The following LPCAT3 variants were observed in gnomAD, a reference collection of about 807,000 sequenced individuals.
LPCAT3 encodes the protein lysophospholipid acyltransferase 5.
A neutral mutation model predicts 63.4 loss-of-function variants in LPCAT3; 21 were observed. That is an observed-to-expected ratio of 0.33 (90% CI 0.23 to 0.48). The LOEUF is 0.48. Among genes scored for constraint, LPCAT3 ranks in the 20% least tolerant of loss-of-function variants. The probability of loss-of-function intolerance (pLI) is 0.99; values close to 1 mark genes in which losing one functional copy is unlikely to be tolerated. For missense variants in LPCAT3, 451 were observed against 590.6 expected, an observed-to-expected ratio of 0.76 and a Z score of 2.45; for synonymous variants, 242 against 227.5, an observed-to-expected ratio of 1.06 and a Z score of -0.58.
chr12:7,005,204 T>A (rs1366091845), intron 1 of LPCAT3, among the ~76,000 whole-genome samples: 1 of 152,252 alleles, frequency 6.6e-6, no homozygotes, highest in African/African-American at 2.4e-5. Flanking sequence ...TGTGGCCATT[T>A]GTGTCTGGCT....
chr12:6,981,240 A>G (rs1946468609), intron 5 of LPCAT3, 58 bp from the exon 6 acceptor site: 1 of 1,405,304 alleles, frequency 7.1e-7, no homozygotes, highest in Non-Finnish European at 9.7e-7. Flanking sequence ...CACAAGAGCC[A>G]CTTTGAGTGT....
Position 6,978,619 on chromosome 12 carries a change from G to A in LPCAT3, c.857C>T (p.Thr286Ile), listed in dbSNP as rs1555153642. Residue 286 changes from threonine to isoleucine, a missense_variant, in exon 8 of 13, where the codon ACC becomes ATC. This residue lies in a region of LPCAT3 where 304 missense variants were observed against 390.8 expected (regional missense o/e 0.78). Coordinates refer to ENST00000261407, the MANE Select transcript of LPCAT3 (RefSeq NM_005768.6). ...TCTACTTACTGTGACCAGCCAACAGGTGACATATTTGTACAGCACAAACTT... is the reference window on the plus strand; with the variant it reads ...TCTACTTACTGTGACCAGCCAACAGATGACATATTTGTACAGCACAAACTT... ...WGKFVLYKYV[T>I]CWLVTEGVCI... 4 of 1,614,080 alleles carry A rather than the reference G, an allele frequency of 2.5e-6. No individual in the cohort carries two copies. The highest frequency in any genetic ancestry group is 8.5e-7 in the Non-Finnish European group (1 of 1,180,056).
chr12:6,984,624 T>A (rs1946503382), intron 1 of LPCAT3, among the ~76,000 whole-genome samples: 1 of 152,254 alleles, frequency 6.6e-6, no homozygotes, highest in South Asian at 2.1e-4. Flanking sequence ...TCTTGCTCTG[T>A]CACCCAGGCT....
chr12:6,983,641 GAA>G, intron 1 of LPCAT3, 102 bp from the exon 2 acceptor site: 1 of 580,062 alleles, frequency 1.7e-6, no homozygotes, highest in Non-Finnish European at 3.0e-6. Flanking sequence ...GAGGGAGAGA[GAA>G]AAAAAAAACA....
Position 6,979,596 on chromosome 12 carries a change from G to A in LPCAT3, c.678-17C>T, listed in dbSNP as rs1555153802. Reference sequence around the variant, plus strand: ...GGAATGATGCTGGAAAGGAACGAGTGAAGTTCCTGGTCACAGAGAGCAGAG... The same window carrying A: ...GGAATGATGCTGGAAAGGAACGAGTAAAGTTCCTGGTCACAGAGAGCAGAG... On this transcript the variant is annotated splice_polypyrimidine_tract_variant and intron_variant, in intron 6 of 12. Coordinates refer to ENST00000261407, the MANE Select transcript of LPCAT3 (RefSeq NM_005768.6). 6.5e-7 allele frequency: 1 copy of A among 1,532,326 alleles called. No homozygotes were observed. Among genetic ancestry groups the A allele is most frequent in the Non-Finnish European group, 9.0e-7 (1 of 1,105,572 alleles). 94.9% of individuals were successfully genotyped at this position (1,532,326 alleles called of 1,614,324 possible).
At chr12:6,991,722 C>T (rs1946591621) in intron 1 of LPCAT3, among the ~76,000 whole-genome samples, 1 of 152,150 alleles carries the variant, frequency 6.6e-6, no homozygotes, top group Admixed American at 6.5e-5. Flanking sequence ...AAGTCTAAAA[C>T]CATAGTTTGT....
In LPCAT3 at chr12:6,981,027, G is replaced by A. The variant is rs1946466063; in HGVS notation, c.654C>T (p.Asp218=). 5.0e-6 allele frequency: 8 copies of A among 1,603,548 alleles called. No homozygotes were observed. The highest frequency in any genetic ancestry group is 6.8e-6 in the Non-Finnish European group (8 of 1,176,166). ...ACCTGTTTGGTATCTTTCCTGGTAT[G>A]TCAATCAGCTCTCCCTGCACCAGCT... ...YMKLVQGELI[D]IPGKIPNSII... is the part of the protein sequence containing the mutation. Residue 218 remains aspartate, a synonymous_variant, in exon 6 of 13, where the codon GAC becomes GAT. Coordinates refer to ENST00000261407, the MANE Select transcript of LPCAT3 (RefSeq NM_005768.6).
In LPCAT3 at chr12:6,977,872, G is replaced by C; in HGVS notation, c.1041-127C>G. On this transcript the variant is annotated intron_variant, in intron 9 of 12. Transcript: ENST00000261407. This position sits in a 1 kb window ranked among gnomAD's most constrained non-coding sequence, Gnocchi z 4.5. ...TGGGTTCCCACGTGTAGCCCCCAGA[G>C]GGTACAGGAGGCAGTGCTGACTGAT... is the stretch of plus-strand genomic sequence containing the variant. 1 of 1,077,776 alleles carries C rather than the reference G, an allele frequency of 9.3e-7. No homozygotes were observed. Among genetic ancestry groups the C allele is most frequent in the Non-Finnish European group, 1.4e-6 (1 of 727,704 alleles). The allele number at this position is 1,077,776 out of a possible 1,614,324, so 66.8% of individuals were successfully genotyped here. A position where few individuals can be genotyped will look rare whatever the true frequency, so the allele number is the denominator to read the frequency against.
At chr12:6,990,070 G>A (rs1277108530) in intron 1 of LPCAT3, among the ~76,000 whole-genome samples, 2 of 151,942 alleles carry the variant, frequency 1.3e-5, no homozygotes, top group African/African-American at 2.4e-5. Context: ...CCAGCTACTT[G>A]AGAGGCTGAG....
chr12:6,994,428 G>A (rs1266373475), intron 1 of LPCAT3, among the ~76,000 whole-genome samples: 2 of 152,010 alleles, frequency 1.3e-5, no homozygotes, highest in African/African-American at 4.8e-5. Context: ...GGCTAGTCTC[G>A]AACTCCTGAC....
In LPCAT3 at chr12:6,977,246, T is replaced by C. The variant is rs782685375; in HGVS notation, c.1364A>G (p.Tyr455Cys). Reference sequence around the variant, plus strand: ...CAGGAAGAAGATGTGGCCAAGGAAATAGATGGATTTATACACCTGTGGAGA... The same window carrying C: ...CAGGAAGAAGATGTGGCCAAGGAAACAGATGGATTTATACACCTGTGGAGA... ...DKWLKVYKSIYFLGHIFFLSL... is the reference protein window; with the variant it reads ...DKWLKVYKSICFLGHIFFLSL... Residue 455 changes from tyrosine to cysteine, a missense_variant, in exon 12 of 13, where the codon TAT becomes TGT. By Grantham distance (194) the Tyr-to-Cys change is radical. Around this residue, in one of 3 missense-constraint regions of LPCAT3, gnomAD observed 304 missense variants for 390.8 expected, o/e 0.78. Coordinates refer to ENST00000261407, the MANE Select transcript of LPCAT3 (RefSeq NM_005768.6). This position sits in a 1 kb window ranked among gnomAD's most constrained non-coding sequence, Gnocchi z 4.5. 3 of 1,613,324 alleles carry C rather than the reference T, an allele frequency of 1.9e-6. No individual in the cohort carries two copies. The highest frequency in any genetic ancestry group is 2.5e-6 in the Non-Finnish European group (3 of 1,179,452).
At position 6,977,242 on chromosome 12, in the gene LPCAT3, G is replaced by T. The variant is rs1320908450; in HGVS notation, c.1368C>A (p.Phe456Leu). ...GGCTCAGGAAGAAGATGTGGCCAAG[G>T]AAATAGATGGATTTATACACCTGTG... ...KWLKVYKSIY[F>L]LGHIFFLSLL... The change falls in exon 12 of 13, where the codon TTC becomes TTA. Residue 456 changes from phenylalanine to leucine, a missense_variant. This residue lies in a region of LPCAT3 where 304 missense variants were observed against 390.8 expected (regional missense o/e 0.78). Coordinates refer to ENST00000261407, the MANE Select transcript of LPCAT3 (RefSeq NM_005768.6). The surrounding 1 kb of genome is among the most constrained non-coding windows in gnomAD (Gnocchi z 4.5). 5 of 1,613,668 alleles carry T rather than the reference G, an allele frequency of 3.1e-6. No individual in the cohort carries two copies. The highest frequency in any genetic ancestry group is 1.3e-5 in the African/African-American group (1 of 74,914).
At position 6,981,060 on chromosome 12, in the gene LPCAT3, G is replaced by C. The variant is rs782560514; in HGVS notation, c.621C>G (p.His207Gln). Residue 207 changes from histidine (H) to glutamine (Q), a missense_variant, in exon 6 of 13, where the codon CAC (histidine) becomes CAG (glutamine). Transcript: ENST00000261407. The part of the protein sequence containing the change: ...FLVGPQFSMN[H>Q]YMKLVQGELI... Reference sequence around the variant, plus strand: ...GCTCTCCCTGCACCAGCTTCATGTAGTGATTCATTGAGAACTGGGGCCCTA... The same window carrying C: ...GCTCTCCCTGCACCAGCTTCATGTACTGATTCATTGAGAACTGGGGCCCTA... The C allele has an allele frequency of 6.2e-7, 1 of 1,612,690 alleles. No individual in the cohort carries two copies. Among genetic ancestry groups the C allele is most frequent in the East Asian group, 2.2e-5 (1 of 44,850 alleles).
At chr12:6,983,667 G>A in intron 1 of LPCAT3, 128 bp from the exon 2 acceptor site, 1 of 635,940 alleles carries the variant, frequency 1.6e-6, no homozygotes, top group South Asian at 1.8e-5. Flanking sequence ...TACATTATAT[G>A]GATGGCAACA....
At chr12:6,982,464 C>T (rs1946479875) in intron 3 of LPCAT3, among the ~76,000 whole-genome samples, 3 of 152,146 alleles carry the variant, frequency 2.0e-5, no homozygotes, top group Admixed American at 2.0e-4. Context: ...AGCTGGTGGC[C>T]CTTCCTTGAG....
In LPCAT3 at chr12:6,978,647, C is replaced by T. The variant is rs1284752952; in HGVS notation, c.829G>A (p.Gly277Ser). 6.2e-7 allele frequency: 1 copy of T among 1,614,010 alleles called. No homozygotes were observed. The highest frequency in any genetic ancestry group is 8.5e-7 in the Non-Finnish European group (1 of 1,180,028). The stretch of plus-strand genomic sequence containing the variant: ...ACATATTTGTACAGCACAAACTTGC[C>T]CCAGATCAGCATGTACATGCAGCGG... ...WFRCMYMLIW[G>S]KFVLYKYVTC... is the part of the protein sequence containing the mutation. The change falls in exon 8 of 13, where the codon GGC (glycine) becomes AGC (serine). Residue 277 changes from glycine to serine, a missense_variant. Physicochemically the swap from Gly to Ser is moderately conservative, Grantham distance 56. Coordinates refer to ENST00000261407, the MANE Select transcript of LPCAT3 (RefSeq NM_005768.6).
chr12:6,988,427 T>G (rs1353345861), intron 1 of LPCAT3: 4 of 152,244 alleles, frequency 2.6e-5, no homozygotes, highest in Non-Finnish European at 5.9e-5. Context: ...AACCTTGTTC[T>G]TGGCTGCCGC....
intron 1 of LPCAT3, chr12:6,988,226 G>C (rs1370968633): frequency 6.2e-6 from 1 of 161,088 alleles, no homozygotes; most frequent in East Asian, 1.7e-4. Context: ...TTGCACACTA[G>C]CAAACACATG....
At chr12:6,985,084 T>C (rs1261666588) in intron 1 of LPCAT3, among the ~76,000 whole-genome samples, 32 of 81,092 alleles carry the variant, frequency 3.9e-4, no homozygotes, top group African/African-American at 1.4e-3. Context: ...TTTTCCCCCA[T>C]ACATTAAAAA....
Sources: allele counts gnomAD v4.1 joint callset (sites outside exome capture counted in the v4.1 genomes callset), GRCh38; gene constraint gnomAD v4.1.1; regional missense constraint gnomAD v4.1.1; non-coding constraint Gnocchi (gnomAD v3.1); transcripts MANE v1.5; gene names NCBI Gene and HGNC (gene_info 2026-07-23, HGNC 2026-07-21).